The following MRS2 variants were observed in gnomAD, a reference collection of about 807,000 sequenced individuals.
The protein encoded by MRS2 is magnesium transporter MRS2.
A neutral mutation model predicts 52.6 loss-of-function variants in MRS2; 40 were observed. The observed-to-expected ratio is 0.76, with a 90% confidence interval of 0.59 to 0.99. The LOEUF is 0.99. Among genes scored for constraint, MRS2 ranks in the 50% least tolerant of loss-of-function variants. The probability of loss-of-function intolerance (pLI) is 0.00; values close to 1 mark genes in which losing one functional copy is unlikely to be tolerated. For missense variants in MRS2, 472 were observed against 532.7 expected, an observed-to-expected ratio of 0.89 and a Z score of 1.12; for synonymous variants, 193 against 195.9, an observed-to-expected ratio of 0.98 and a Z score of 0.13.
At position 24,425,132 on chromosome 6, in the gene MRS2, G is replaced by T. The variant is rs1031502568; in HGVS notation, c.*1438G>T. 2 of 152,152 alleles carry T rather than the reference G, an allele frequency of 1.3e-5. No homozygotes were observed. The highest frequency in any genetic ancestry group is 3.2e-3 in the Middle Eastern group (1 of 316). 9.4% of individuals were successfully genotyped at this position (152,152 alleles called of 1,614,324 possible). A position where few individuals can be genotyped will look rare whatever the true frequency, so the allele number is the denominator to read the frequency against. The stretch of plus-strand genomic sequence containing the variant: ...CCCTCTAGCATTACGAATCTCTTAG[G>T]ATTTTTAAGATTGTATTTGATAATA... On this transcript the variant is annotated 3_prime_UTR_variant, in exon 11 of 11. Coordinates refer to ENST00000378386, the MANE Select transcript of MRS2 (RefSeq NM_020662.4).
intron 7 of MRS2, 144 bp downstream of exon 7, chr6:24,416,657 T>G: frequency 1.5e-6 from 1 of 650,914 alleles, no homozygotes; most frequent in Non-Finnish European, 2.7e-6. Flanking sequence ...TTCCCTTTTT[T>G]CCTGTGCAGT....
chr6:24,413,230 CA>C (rs1385011261), intron 5 of MRS2, among the ~76,000 whole-genome samples: 1 of 152,024 alleles, frequency 6.6e-6, no homozygotes, highest in Non-Finnish European at 1.5e-5. Context: ...AGGAGAAAGA[CA>C]GGGATCTTAA....
chr6:24,411,858 T>TG (rs2127288479), intron 4 of MRS2, among the ~76,000 whole-genome samples: 1 of 140,130 alleles, frequency 7.1e-6, no homozygotes, highest in East Asian at 2.0e-4. Flanking sequence ...TTTTTTGGTG[T>TG]TTTTTTTTTT....
At chr6:24,417,034 A>G (rs1431515121) in intron 7 of MRS2, among the ~76,000 whole-genome samples, 1 of 152,232 alleles carries the variant, frequency 6.6e-6, no homozygotes, top group Non-Finnish European at 1.5e-5. Flanking sequence ...TTGTCTTTCT[A>G]GAGCAGTATC....
chr6:24,410,542 C>T (rs1172281149), intron 4 of MRS2, among the ~76,000 whole-genome samples: 2 of 151,914 alleles, frequency 1.3e-5, no homozygotes, highest in Non-Finnish European at 2.9e-5. Context: ...AAAAATGGGC[C>T]AGTATTGGTA....
In MRS2 at chr6:24,424,598, G is replaced by A. The variant is rs1762165366; in HGVS notation, c.*904G>A. On this transcript the variant is annotated 3_prime_UTR_variant, in exon 11 of 11. Coordinates refer to ENST00000378386, the MANE Select transcript of MRS2 (RefSeq NM_020662.4). ...ACAGAGATTTGGGTTTAAAACAAAT[G>A]GCTAATATTTGTAAGCCTGAAAGCT... is the stretch of plus-strand genomic sequence containing the variant. 2 of 152,096 alleles carry A rather than the reference G, an allele frequency of 1.3e-5. No individual in the cohort carries two copies. Among genetic ancestry groups the A allele is most frequent in the Non-Finnish European group, 1.5e-5 (1 of 68,014 alleles). 9.4% of individuals were successfully genotyped at this position (152,096 alleles called of 1,614,324 possible).
At position 24,412,244 on chromosome 6, in the gene MRS2, C is replaced by G; in HGVS notation, c.437C>G (p.Pro146Arg). Residue 146 changes from proline (P) to arginine (R), a missense_variant, in exon 5 of 11, where the codon CCA (proline) becomes CGA (arginine). By Grantham distance (103) the Pro-to-Arg change is moderately radical. Coordinates refer to ENST00000378386, the MANE Select transcript of MRS2 (RefSeq NM_020662.4). ...RMEYLKAVIT[P>R]ECLLILDYRN... ...CAGTATTTGAAAGCTGTGATAACTC[C>G]AGAGTGTCTTCTGATATTAGATTAT... is the stretch of plus-strand genomic sequence containing the variant. 1 of 1,576,082 alleles carries G rather than the reference C, an allele frequency of 6.3e-7. No individual in the cohort carries two copies. The highest frequency in any genetic ancestry group is 8.6e-7 in the Non-Finnish European group (1 of 1,165,332).
At chr6:24,420,550 G>T (rs76014758) in intron 9 of MRS2, among the ~76,000 whole-genome samples, 18,671 of 152,164 alleles carry the variant, frequency 0.12, 1,476 homozygotes, top group East Asian at 0.16. Context: ...CTGCCCTTGC[G>T]TAGGTTATAT....
chr6:24,417,072 TTA>T (rs1761877967), intron 7 of MRS2, among the ~76,000 whole-genome samples: 2 of 152,360 alleles, frequency 1.3e-5, no homozygotes, highest in South Asian at 2.1e-4. Flanking sequence ...TGTAATGAGT[TTA>T]GTTTCCACAG....
rs760573697 is a variant in MRS2 at position 24,416,502 on chromosome 6, C to G, written c.825C>G (p.Asp275Glu). 2 of 1,515,164 alleles carry G rather than the reference C, an allele frequency of 1.3e-6. No individual in the cohort carries two copies. The highest frequency in any genetic ancestry group is 1.8e-6 in the Non-Finnish European group (2 of 1,094,052). The allele number at this position is 1,515,164 out of a possible 1,614,324, so 93.9% of individuals were successfully genotyped here. Residue 275 changes from aspartate (D) to glutamate (E), a missense_variant, in exon 7 of 11, where the codon GAC (aspartate) becomes GAG (glutamate). Physicochemically the swap from Asp to Glu is conservative, Grantham distance 45. Transcript: ENST00000378386. ...AGCTCTGTGTATCAAAATGGAGTGA[C>G]CCACAAGTCTTGTAAGTATATAATT... ...LEELCVSKWSDPQVFEKSSAG... is the reference protein window; with the variant it reads ...LEELCVSKWSEPQVFEKSSAG...
chr6:24,420,178 A>C (rs1182788391), intron 9 of MRS2, among the ~76,000 whole-genome samples: 1 of 152,168 alleles, frequency 6.6e-6, no homozygotes. Context: ...TCCTTCCCAG[A>C]CATGCTGCTT....
intron 5 of MRS2, among the ~76,000 whole-genome samples, chr6:24,414,818 C>G (rs1269962584): frequency 6.6e-6 from 1 of 152,230 alleles, no homozygotes; most frequent in Non-Finnish European, 1.5e-5. Context: ...TCAACCAAAT[C>G]TGTGCCTAAA....
rs369510448 is a variant in MRS2 at position 24,409,448 on chromosome 6, A to G, written c.302-13A>G. ...GTATTTGGTTTAGCCCTCTCTGTTT[A>G]TTTCTTTTATAGAAAGGAAGAAAAC... is the stretch of plus-strand genomic sequence containing the variant. On this transcript the variant is annotated splice_polypyrimidine_tract_variant and intron_variant, in intron 3 of 10. Coordinates refer to ENST00000378386, the MANE Select transcript of MRS2 (RefSeq NM_020662.4). The G allele has an allele frequency of 2.8e-5, 43 of 1,532,546 alleles. No individual in the cohort carries two copies. The African/African-American group carries it at 3.4e-4, about 12-fold the overall frequency. The allele number at this position is 1,532,546 out of a possible 1,614,324, so 94.9% of individuals were successfully genotyped here.
In MRS2 at chr6:24,409,726, G is replaced by A. The variant is rs73725408; in HGVS notation, c.414+153G>A. On this transcript the variant is annotated intron_variant, in intron 4 of 10. Transcript: ENST00000378386. Reference sequence around the variant, plus strand: ...GTTTTATAGCTTAATATGCTATTATGAGTAGAACTCATTTTATATGGATTA... The same window carrying A: ...GTTTTATAGCTTAATATGCTATTATAAGTAGAACTCATTTTATATGGATTA... Among the ~76,000 whole-genome samples the A allele has an allele frequency of 8.4e-3, 1,272 of 152,258 alleles. 17 individuals are homozygous for A. The highest frequency in any genetic ancestry group is 0.025 in the African/African-American group (1,042 of 41,542).
intron 4 of MRS2, among the ~76,000 whole-genome samples, chr6:24,411,728 G>A (rs916036292): frequency 2.3e-4 from 35 of 152,106 alleles, no homozygotes; most frequent in African/African-American, 7.0e-4. Context: ...TAGTAGAGAC[G>A]GGGTTTCACC....
chr6:24,415,157 G>A lies in MRS2; in HGVS notation c.713G>A (p.Gly238Asp). The stretch of plus-strand genomic sequence containing the variant: ...AAACTGCACATTTTACTACAGAATG[G>A]CAAAAGGTAAATATGGATGATGTAT... ...RSKLHILLQN[G>D]KSLSELETDI... Residue 238 changes from glycine (G) to aspartate (D), a missense_variant, in exon 6 of 11, where the codon GGC (glycine) becomes GAC (aspartate). Gly to Asp is a moderately conservative substitution (Grantham distance 94). Transcript: ENST00000378386. The A allele has an allele frequency of 6.3e-7, 1 of 1,586,852 alleles. No individual in the cohort carries two copies. The highest frequency in any genetic ancestry group is 8.6e-7 in the Non-Finnish European group (1 of 1,159,788).
At chr6:24,414,727 G>A (rs1761785535) in intron 5 of MRS2, among the ~76,000 whole-genome samples, 3 of 152,154 alleles carry the variant, frequency 2.0e-5, no homozygotes, top group Non-Finnish European at 4.4e-5. Context: ...CGGGGCGGCC[G>A]GGCAGAGGTG....
At chr6:24,420,909 C>T (rs542991082) in intron 9 of MRS2, among the ~76,000 whole-genome samples, 6 of 152,186 alleles carry the variant, frequency 3.9e-5, no homozygotes, top group South Asian at 4.2e-4. Context: ...TGACGTAGAG[C>T]GTGGTAGGGG....
In MRS2 at chr6:24,416,402, CAG is replaced by C. The variant is rs745702198; in HGVS notation, c.728_729del (p.Glu243ValfsTer6). ...TGTGTATCTATTTCTTATAGTCTAT[CAG>C]AGTTAGAAACAGATATTAAAATTTT... is the stretch of plus-strand genomic sequence containing the variant. On this transcript the variant is annotated frameshift_variant, in exon 7 of 11. Coordinates refer to ENST00000378386, the MANE Select transcript of MRS2 (RefSeq NM_020662.4). LOFTEE classifies it high-confidence loss of function. The C allele has an allele frequency of 6.2e-5, 82 of 1,330,958 alleles. No individual in the cohort carries two copies. The highest frequency in any genetic ancestry group is 8.1e-5 in the Non-Finnish European group (75 of 927,318). 82.4% of individuals were successfully genotyped at this position (1,330,958 alleles called of 1,614,324 possible).
Sources: allele counts gnomAD v4.1 joint callset (sites outside exome capture counted in the v4.1 genomes callset), GRCh38; gene constraint gnomAD v4.1.1; transcripts MANE v1.5; gene names NCBI Gene and HGNC (gene_info 2026-07-23, HGNC 2026-07-21).